Variants in MCTP1 observed in about 807,000 individuals in gnomAD.
MCTP1 encodes multiple C2 and transmembrane domain-containing protein 1.
Under a neutral mutation model 120.6 loss-of-function variants are expected in MCTP1, and 69 were observed. The ratio of observed to expected loss-of-function variants is 0.57; its 90% confidence interval spans 0.47 to 0.70. The LOEUF is 0.70. MCTP1 is among the 30% of genes least tolerant of loss of function. The probability of loss-of-function intolerance (pLI) is 0.00; values close to 1 mark genes in which losing one functional copy is unlikely to be tolerated. For missense variants in MCTP1, 1,203 were observed against 1,248.8 expected (o/e 0.96, Z 0.55); for synonymous variants, 529 against 493.1 (o/e 1.07, Z -0.96).
chr5:95,188,314 A>G (rs1749453208), intron 1 of MCTP1, among the ~76,000 whole-genome samples: 1 of 152,356 alleles, frequency 6.6e-6, no homozygotes, highest in Non-Finnish European at 1.5e-5. Flanking sequence ...CTGGAAATGT[A>G]AAACGGTACC....
intron 1 of MCTP1, among the ~76,000 whole-genome samples, chr5:95,268,290 A>T (rs1346485782): frequency 1.3e-5 from 2 of 152,244 alleles, no homozygotes; most frequent in African/African-American, 4.8e-5. Context: ...AGGGAGAAAG[A>T]GAAAGATGGT....
At chr5:95,176,765 G>C (rs1265702809) in intron 1 of MCTP1, among the ~76,000 whole-genome samples, 1 of 152,080 alleles carries the variant, frequency 6.6e-6, no homozygotes, top group Non-Finnish European at 1.5e-5. Context: ...GGCTGAAGTG[G>C]GGAGAATCAC....
At chr5:94,843,788 T>C (rs900446703) in intron 17 of MCTP1, among the ~76,000 whole-genome samples, 2 of 152,174 alleles carry the variant, frequency 1.3e-5, no homozygotes. Context: ...GACACAATAG[T>C]AGAGAAGAGT....
chr5:94,870,636 T>C (rs770613830), intron 15 of MCTP1, 145 bp from the exon 16 acceptor site: 64 of 692,496 alleles, frequency 9.2e-5, no homozygotes, highest in Middle Eastern at 8.3e-4. Context: ...CAGTTGCACA[T>C]GCATGCGCTT....
intron 1 of MCTP1, among the ~76,000 whole-genome samples, chr5:95,041,669 T>C (rs1344808175): frequency 6.6e-6 from 1 of 152,164 alleles, no homozygotes; most frequent in Non-Finnish European, 1.5e-5. Context: ...TTGTTCAACA[T>C]ATATAAAACT....
chr5:95,100,128 T>A (rs1373513857), intron 1 of MCTP1, among the ~76,000 whole-genome samples: 2 of 78,544 alleles, frequency 2.5e-5, no homozygotes, highest in East Asian at 4.7e-4. Context: ...TGTTGTGGGG[T>A]GGGGGGAGGG....
intron 1 of MCTP1, among the ~76,000 whole-genome samples, chr5:95,205,453 A>G (rs1226245134): frequency 6.6e-6 from 1 of 152,178 alleles, no homozygotes; most frequent in African/African-American, 2.4e-5. Flanking sequence ...TGTCTGACAC[A>G]AAAAGCACAG....
chr5:94,938,570 T>C (rs1047497787), intron 5 of MCTP1, among the ~76,000 whole-genome samples: 5 of 152,044 alleles, frequency 3.3e-5, no homozygotes, highest in African/African-American at 9.7e-5. Context: ...AATTTTCCTA[T>C]ATTTGCTCTT....
rs1291189529 is a variant in MCTP1 at position 94,828,306 on chromosome 5, C to T, written c.2437-29174G>A. On this transcript the variant is annotated intron_variant, in intron 17 of 22. Coordinates refer to ENST00000515393, the MANE Select transcript of MCTP1 (RefSeq NM_024717.7). Reference sequence around the variant, plus strand: ...GGCTGCAGAACAGCAAAGATTGCTGCCTGTTCCTTCCTCTGGAATCTTCAT... The same window carrying T: ...GGCTGCAGAACAGCAAAGATTGCTGTCTGTTCCTTCCTCTGGAATCTTCAT... Among the ~76,000 whole-genome samples the T allele has an allele frequency of 2.6e-5, 4 of 152,322 alleles. No individual in the cohort carries two copies. The East Asian group carries it at 7.7e-4, about 29-fold the overall frequency.
intron 1 of MCTP1, among the ~76,000 whole-genome samples, chr5:95,259,082 G>A (rs1051333338): frequency 8.5e-5 from 13 of 152,134 alleles, no homozygotes; most frequent in African/African-American, 2.7e-4. Flanking sequence ...TTGTGTCTGA[G>A]GCCAAGAATA....
At chr5:95,204,187 C>T (rs1751375007) in intron 1 of MCTP1, among the ~76,000 whole-genome samples, 1 of 152,070 alleles carries the variant, frequency 6.6e-6, no homozygotes, top group South Asian at 2.1e-4. Flanking sequence ...CATTCCTATA[C>T]AACTTATAAC....
chr5:95,044,467 T>G (rs1403953058), intron 1 of MCTP1, among the ~76,000 whole-genome samples: 1 of 152,180 alleles, frequency 6.6e-6, no homozygotes, highest in Non-Finnish European at 1.5e-5. Flanking sequence ...ACTTAGCCCC[T>G]GTAGATCAAT....
At chr5:95,143,943 T>C (rs528528900) in intron 1 of MCTP1, among the ~76,000 whole-genome samples, 1 of 152,342 alleles carries the variant, frequency 6.6e-6, no homozygotes, top group South Asian at 2.1e-4. Context: ...CTGGGTCAAA[T>C]GGTAGTTCTG....
rs754735539 is a variant in MCTP1 at position 94,725,200 on chromosome 5, G to GA, written c.2611-10315dup. On this transcript the variant is annotated intron_variant, in intron 19 of 22. Coordinates refer to ENST00000515393, the MANE Select transcript of MCTP1 (RefSeq NM_024717.7). ...CCTTAGACCTCATTTGAAAAGAAAA[G>GA]AAAAAAAAGGTGAAATAAGATGTTT... Among the ~76,000 whole-genome samples, 65 of 151,632 alleles carry GA rather than the reference G, an allele frequency of 4.3e-4. 2 individuals carry two copies. The highest frequency in any genetic ancestry group is 1.0e-3 in the South Asian group (5 of 4,820).
At chr5:94,889,750 C>CACACACACACACACA (rs1802136000) in intron 11 of MCTP1, among the ~76,000 whole-genome samples, 1 of 145,606 alleles carries the variant, frequency 6.9e-6, no homozygotes, top group African/African-American at 2.5e-5. Context: ...TGAATGTACA[C>CACACACACACACACA]CACACACACA....
intron 2 of MCTP1, among the ~76,000 whole-genome samples, chr5:94,993,107 T>G (rs1831932409): frequency 6.6e-6 from 1 of 152,192 alleles, no homozygotes; most frequent in South Asian, 2.1e-4. Flanking sequence ...CAGATAACTT[T>G]TTTTCAATAC....
chr5:94,797,271 T>C (rs562828891), intron 18 of MCTP1, among the ~76,000 whole-genome samples: 3 of 152,102 alleles, frequency 2.0e-5, no homozygotes, highest in Non-Finnish European at 4.4e-5. Context: ...AACCAGTGAC[T>C]AAATATTGAA....
chr5:94,978,522 C>T (rs1828634706), intron 2 of MCTP1, among the ~76,000 whole-genome samples: 1 of 151,928 alleles, frequency 6.6e-6, no homozygotes. Context: ...ATTATTCAGA[C>T]TGAAAAAAGA....
chr5:94,795,223 T>C lies in MCTP1; in HGVS notation c.2556+3790A>G, dbSNP rs114321102. Among the ~76,000 whole-genome samples the C allele has an allele frequency of 4.9e-3, 735 of 150,752 alleles. 5 individuals are homozygous for C. The highest frequency in any genetic ancestry group is 0.017 in the African/African-American group (677 of 40,834). On this transcript the variant is annotated intron_variant, in intron 18 of 22. Transcript: ENST00000515393. The stretch of plus-strand genomic sequence containing the variant: ...ATGCTTGTCTACATGAGCATATTCC[T>C]TTGCTTACAACTGATGAAGGGACCT...
Sources: allele counts gnomAD v4.1 joint callset (sites outside exome capture counted in the v4.1 genomes callset), GRCh38; gene constraint gnomAD v4.1.1; transcripts MANE v1.5; gene names NCBI Gene and HGNC (gene_info 2026-07-23, HGNC 2026-07-21).